SH3BGRL2: variants seen among roughly 807,000 people sequenced by gnomAD.
SH3BGRL2 encodes the protein SH3 domain binding glutamate rich protein like 2.
A neutral mutation model predicts 14.8 loss-of-function variants in SH3BGRL2; 21 were observed. The observed-to-expected ratio is 1.42, with a 90% CI of 1.01 to 2.05. The LOEUF is 2.05. Among genes scored for constraint, SH3BGRL2 ranks in the 30% most tolerant of loss-of-function variants. The pLI, the probability that SH3BGRL2 is intolerant of heterozygous loss-of-function variation, is 0.00. For missense variants in SH3BGRL2, 147 were observed against 130.8 expected (o/e 1.12, Z -0.61); for synonymous variants, 50 against 47.8 (o/e 1.05, Z -0.19).
the SH3BGRL2 span, among the ~76,000 whole-genome samples, chr6:79,604,118 A>G: frequency 2.7e-4 from 41 of 152,178 alleles, no homozygotes; most frequent in African/African-American, 9.6e-4. Flanking sequence ...CCACTTTTCA[A>G]TGTCTGTAGA....
chr6:79,640,267 C>T (rs1309943091), intron 1 of SH3BGRL2, among the ~76,000 whole-genome samples: 1 of 152,220 alleles, frequency 6.6e-6, no homozygotes, highest in Non-Finnish European at 1.5e-5. Flanking sequence ...CATCTGTCAG[C>T]ACTGGCTAGT....
At chr6:79,556,700 A>G in the SH3BGRL2 span, among the ~76,000 whole-genome samples, 38 of 152,130 alleles carry the variant, frequency 2.5e-4, no homozygotes, top group Admixed American at 2.4e-3. Context: ...ATACAAGCAC[A>G]CAATTCTTAC....
At chr6:79,615,552 A>G in the SH3BGRL2 span, among the ~76,000 whole-genome samples, 7 of 152,292 alleles carry the variant, frequency 4.6e-5, no homozygotes, top group African/African-American at 9.6e-5. Context: ...ATTCTCATCT[A>G]TAAAAGGGGA....
At chr6:79,553,499 G>A in the SH3BGRL2 span, among the ~76,000 whole-genome samples, 18 of 152,084 alleles carry the variant, frequency 1.2e-4, no homozygotes, top group African/African-American at 4.1e-4. Context: ...TTGTTTCTTT[G>A]TTTTTTACCA....
At chr6:79,693,748 G>T (rs1232286427) in intron 2 of SH3BGRL2, among the ~76,000 whole-genome samples, 2 of 152,176 alleles carry the variant, frequency 1.3e-5, no homozygotes, top group Non-Finnish European at 2.9e-5. Flanking sequence ...TATACTGCTG[G>T]ATTCGGTTTA....
At chr6:79,614,078 C>T in the SH3BGRL2 span, among the ~76,000 whole-genome samples, 1 of 152,054 alleles carries the variant, frequency 6.6e-6, no homozygotes, top group Admixed American at 6.6e-5. Context: ...TCCCAGAGCC[C>T]CTACAGTCCC....
chr6:79,678,846 A>G (rs376611785), intron 2 of SH3BGRL2, among the ~76,000 whole-genome samples: 13 of 152,262 alleles, frequency 8.5e-5, no homozygotes, highest in African/African-American at 2.6e-4. Context: ...TTCAGCTCCC[A>G]TTTATATGTG....
At chr6:79,676,778 A>C (rs373186317) in intron 2 of SH3BGRL2, among the ~76,000 whole-genome samples, 2 of 152,186 alleles carry the variant, frequency 1.3e-5, no homozygotes, top group African/African-American at 4.8e-5. Context: ...TATTGAATGA[A>C]TAGAAGAATA....
the SH3BGRL2 span, among the ~76,000 whole-genome samples, chr6:79,611,777 T>C: frequency 6.6e-6 from 1 of 152,126 alleles, no homozygotes; most frequent in Non-Finnish European, 1.5e-5. Context: ...GTTGGGCAAA[T>C]CCAGATTCCA....
chr6:79,556,872 A>G, the SH3BGRL2 span, among the ~76,000 whole-genome samples: 1 of 152,024 alleles, frequency 6.6e-6, no homozygotes, highest in Non-Finnish European at 1.5e-5. Context: ...TTAAAGTATA[A>G]TAAATATGCA....
the SH3BGRL2 span, among the ~76,000 whole-genome samples, chr6:79,583,469 A>C: frequency 6.6e-6 from 1 of 152,242 alleles, no homozygotes; most frequent in African/African-American, 2.4e-5. Context: ...AGATGAGTTC[A>C]TGTCCTTTGC....
the SH3BGRL2 span, among the ~76,000 whole-genome samples, chr6:79,571,382 C>T: frequency 6.6e-6 from 1 of 152,132 alleles, no homozygotes; most frequent in Non-Finnish European, 1.5e-5. Context: ...AAACACAGAA[C>T]CTGTAAGAAG....
At chr6:79,577,584 T>A in the SH3BGRL2 span, among the ~76,000 whole-genome samples, 6 of 152,158 alleles carry the variant, frequency 3.9e-5, no homozygotes, top group East Asian at 1.2e-3. Flanking sequence ...ACATTAAAAA[T>A]TAAAAATGAA....
chr6:79,623,483 TC>T, the SH3BGRL2 span, among the ~76,000 whole-genome samples: 1 of 152,146 alleles, frequency 6.6e-6, no homozygotes, highest in Non-Finnish European at 1.5e-5. Context: ...TAAATCTATT[TC>T]CATTTAATGC....
At chr6:79,655,266 T>C (rs77564869) in intron 1 of SH3BGRL2, among the ~76,000 whole-genome samples, 4,203 of 152,226 alleles carry the variant, frequency 0.028, 84 homozygotes, top group Non-Finnish European at 0.038. Context: ...GAAGTTTTGA[T>C]ACAGGAAGGT....
the SH3BGRL2 span, among the ~76,000 whole-genome samples, chr6:79,540,163 T>A: frequency 3.9e-5 from 6 of 152,108 alleles, no homozygotes; most frequent in African/African-American, 1.4e-4. Context: ...GGCCGGGTGC[T>A]GTGGCTCATG....
chr6:79,604,907 G>A, the SH3BGRL2 span, among the ~76,000 whole-genome samples: 2 of 152,282 alleles, frequency 1.3e-5, no homozygotes, highest in Admixed American at 6.5e-5. Context: ...AGAGGAATGC[G>A]AATTATTTTA....
In SH3BGRL2 at chr6:79,699,624, T is replaced by G. The variant is rs1446328022; in HGVS notation, c.*115T>G. 2 of 1,333,724 alleles carry G rather than the reference T, an allele frequency of 1.5e-6. No homozygotes were observed. Among genetic ancestry groups the G allele is most frequent in the Admixed American group, 5.0e-5 (2 of 40,364 alleles). The allele number at this position is 1,333,724 out of a possible 1,614,324, so 82.6% of individuals were successfully genotyped here. On this transcript the variant is annotated 3_prime_UTR_variant, in exon 4 of 4. Transcript: ENST00000369838. Reference sequence around the variant, plus strand: ...AAGCCACACGCATTATCAGTAACTTTGCTTGCCACGGAAAAGGTGTTTTTG... The same window carrying G: ...AAGCCACACGCATTATCAGTAACTTGGCTTGCCACGGAAAAGGTGTTTTTG...
intron 2 of SH3BGRL2, among the ~76,000 whole-genome samples, chr6:79,686,212 T>C (rs1274055967): frequency 2.6e-5 from 4 of 152,222 alleles, no homozygotes; most frequent in African/African-American, 9.6e-5. Context: ...TTCATCAGTA[T>C]GTGCCTTTAA....
Sources: allele counts gnomAD v4.1 joint callset (sites outside exome capture counted in the v4.1 genomes callset), GRCh38; gene constraint gnomAD v4.1.1; transcripts MANE v1.5; gene names NCBI Gene and HGNC (gene_info 2026-07-23, HGNC 2026-07-21).